CC2D2A: variants seen among roughly 807,000 people sequenced by gnomAD.
CC2D2A encodes the protein coiled-coil and C2 domain-containing protein 2A.
Under a neutral mutation model 212.9 loss-of-function variants are expected in CC2D2A, and 155 were observed. That is an observed-to-expected ratio of 0.73 (90% confidence interval 0.64 to 0.83). The LOEUF (loss-of-function observed/expected upper bound fraction) is 0.83. CC2D2A is among the 40% of genes least tolerant of loss of function. The pLI is 0.00. For missense variants in CC2D2A, 1,856 were observed against 1,956.2 expected (o/e 0.95, Z 0.97); for synonymous variants, 667 against 686.5 (o/e 0.97, Z 0.44).
chr4:15,522,046 A>G (rs185732756), intron 11 of CC2D2A, among the ~76,000 whole-genome samples: 1 of 152,230 alleles, frequency 6.6e-6, no homozygotes, highest in East Asian at 1.9e-4. Flanking sequence ...TACAAAAAAT[A>G]AAAAGGTAAC....
chr4:15,555,206 T>C lies in CC2D2A; in HGVS notation c.2621T>C (p.Ile874Thr). The change falls in exon 20 of 37, where the codon ATC becomes ACC. Residue 874 changes from isoleucine (I) to threonine (T), a missense_variant. Around this residue, in one of 5 missense-constraint regions of CC2D2A, gnomAD observed 1,512 missense variants for 1,579.3 expected, o/e 0.96. Coordinates refer to ENST00000424120, the MANE Select transcript of CC2D2A (RefSeq NM_001378615.1). ...AACAATGCCCCTTTGATGCAGCTTA[T>C]CTCGGTATGTAGCAGGAGGCACACA... ...DPNNAPLMQL[I>T]SVATSGESYV... The C allele has an allele frequency of 6.2e-7, 1 of 1,613,178 alleles. No homozygotes were observed. The highest frequency in any genetic ancestry group is 8.5e-7 in the Non-Finnish European group (1 of 1,179,506).
intron 4 of CC2D2A, among the ~76,000 whole-genome samples, chr4:15,487,963 C>A (rs1341812254): frequency 2.0e-5 from 3 of 151,754 alleles, no homozygotes; most frequent in Non-Finnish European, 4.4e-5. Flanking sequence ...CGTCTCCCCC[C>A]TGCTTTTTTA....
intron 7 of CC2D2A, 65 bp downstream of exon 7, chr4:15,510,305 A>G (rs1167411394): frequency 1.4e-6 from 2 of 1,396,244 alleles, no homozygotes; most frequent in African/African-American, 1.4e-5. Context: ...CCAATGACAC[A>G]TGACTACAGG....
intron 11 of CC2D2A, among the ~76,000 whole-genome samples, chr4:15,522,586 A>G (rs981354334): frequency 6.6e-6 from 1 of 151,952 alleles, no homozygotes; most frequent in Non-Finnish European, 1.5e-5. Flanking sequence ...TTGTCTCAAT[A>G]TTAGGATGTT....
intron 4 of CC2D2A, among the ~76,000 whole-genome samples, chr4:15,490,941 AC>A (rs1351331502): frequency 6.6e-6 from 1 of 151,046 alleles, no homozygotes; most frequent in Non-Finnish European, 1.5e-5. Context: ...ATCGATCACG[AC>A]CCCCTCACAC....
intron 29 of CC2D2A, among the ~76,000 whole-genome samples, chr4:15,579,320 C>T (rs1720549358): frequency 6.6e-6 from 1 of 151,594 alleles, no homozygotes; most frequent in East Asian, 1.9e-4. Flanking sequence ...CAGAATAAGA[C>T]CCTGTCTCAA....
chr4:15,495,866 C>A (rs1715586584), intron 4 of CC2D2A, among the ~76,000 whole-genome samples: 1 of 152,276 alleles, frequency 6.6e-6, no homozygotes, highest in African/African-American at 2.4e-5. Context: ...TATAACAGTT[C>A]CCTTTTCTCC....
At position 15,502,512 on chromosome 4, in the gene CC2D2A, GC is replaced by G; in HGVS notation, c.332del (p.Ala111GlyfsTer41). 6.2e-7 allele frequency: 1 copy of G among 1,600,030 alleles called. No homozygotes were observed. The highest frequency in any genetic ancestry group is 1.8e-5 in the Admixed American group (1 of 56,540). On this transcript the variant is annotated frameshift_variant, in exon 5 of 37. Transcript: ENST00000424120. LOFTEE classifies it high-confidence loss of function. Reference sequence around the variant, plus strand: ...ACGCATGAGGGAGAAATTGCAAGCAGCGAGGGTGAGAGAAACCACATGAATA... The same window carrying G: ...ACGCATGAGGGAGAAATTGCAAGCAGGAGGGTGAGAGAAACCACATGAATA... Reference protein sequence around the residue: ...RGRMREKLQAARSKAESALLQ... With the variant: ...RGRMREKLQAXRSKAESALLQ...
intron 24 of CC2D2A, among the ~76,000 whole-genome samples, chr4:15,566,843 AGT>A (rs1313093592): frequency 6.6e-6 from 1 of 151,962 alleles, no homozygotes; most frequent in Non-Finnish European, 1.5e-5. Flanking sequence ...GGCATGGTGG[AGT>A]GTGTTTGTAG....
intron 26 of CC2D2A, among the ~76,000 whole-genome samples, chr4:15,568,486 G>A (rs1346560770): frequency 6.6e-6 from 1 of 152,218 alleles, no homozygotes; most frequent in Non-Finnish European, 1.5e-5. Flanking sequence ...CTACTTGGAG[G>A]CTGAGGCAGG....
intron 1 of CC2D2A, among the ~76,000 whole-genome samples, chr4:15,473,964 A>G (rs1577303183): frequency 6.6e-6 from 1 of 152,194 alleles, no homozygotes; most frequent in Non-Finnish European, 1.5e-5. Context: ...TGTAAAGCCA[A>G]GTGAAGGTGT....
intron 35 of CC2D2A, 31 bp from the exon 36 acceptor site, chr4:15,599,498 C>T (rs745452080): frequency 1.3e-5 from 19 of 1,437,214 alleles, no homozygotes; most frequent in Non-Finnish European, 1.7e-5. Flanking sequence ...AAGTGAGTCA[C>T]CAAAAAATGG....
intron 18 of CC2D2A, among the ~76,000 whole-genome samples, chr4:15,551,240 ACTTTT>A (rs1386434761): frequency 2.0e-5 from 3 of 152,212 alleles, no homozygotes; most frequent in African/African-American, 7.2e-5. Flanking sequence ...TTGGTGCCTT[ACTTTT>A]ATTTCTAGGA....
At chr4:15,485,763 G>A (rs1714964680) in intron 4 of CC2D2A, among the ~76,000 whole-genome samples, 1 of 152,122 alleles carries the variant, frequency 6.6e-6, no homozygotes, top group African/African-American at 2.4e-5. Context: ...CCATTTGTAT[G>A]TCTTCTTTTG....
Position 15,563,429 on chromosome 4 carries a change from A to T in CC2D2A, c.3089A>T (p.Lys1030Met). The T allele has an allele frequency of 6.2e-7, 1 of 1,610,892 alleles. No homozygotes were observed. Among genetic ancestry groups the T allele is most frequent in the Admixed American group, 1.7e-5 (1 of 59,528 alleles). ...PLRPRRKGRK[K>M]VTAQNLSDGD... ...CGGCCAAGGAGAAAAGGTCGGAAGA[A>T]GGTGACAGCCCAAAACCTGTCTGAT... Residue 1030 changes from lysine (K) to methionine (M), a missense_variant, in exon 24 of 37, where the codon AAG becomes ATG. Physicochemically the swap from Lys to Met is moderately conservative, Grantham distance 95. Around this residue, in one of 5 missense-constraint regions of CC2D2A, gnomAD observed 1,512 missense variants for 1,579.3 expected, o/e 0.96. Coordinates refer to ENST00000424120, the MANE Select transcript of CC2D2A (RefSeq NM_001378615.1).
chr4:15,567,122 A>C (rs2109069775), intron 24 of CC2D2A, among the ~76,000 whole-genome samples: 1 of 151,998 alleles, frequency 6.6e-6, no homozygotes, highest in South Asian at 2.1e-4. Flanking sequence ...ATCTTTACTA[A>C]AAATACAAAA....
intron 4 of CC2D2A, among the ~76,000 whole-genome samples, chr4:15,490,783 GC>G (rs1715256765): frequency 6.6e-6 from 1 of 152,040 alleles, no homozygotes; most frequent in Non-Finnish European, 1.5e-5. Context: ...ACAGCCTGGC[GC>G]CACACCCTGG....
At chr4:15,478,418 C>T (rs1026901954) in intron 2 of CC2D2A, among the ~76,000 whole-genome samples, 4 of 152,158 alleles carry the variant, frequency 2.6e-5, no homozygotes, top group Admixed American at 2.0e-4. Flanking sequence ...AATTCTGTGT[C>T]CCAAGAGCAT....
intron 24 of CC2D2A, among the ~76,000 whole-genome samples, chr4:15,565,791 T>A (rs1460620694): frequency 6.6e-6 from 1 of 152,054 alleles, no homozygotes; most frequent in Non-Finnish European, 1.5e-5. Flanking sequence ...TTTATTATTT[T>A]TTTAGAGATG....
Sources: gnomAD v4.1 joint callset for allele counts (sites outside exome capture counted in the v4.1 genomes callset) on GRCh38, gnomAD v4.1.1 for gene constraint, gnomAD v4.1.1 regional missense constraint, MANE v1.5 for transcripts, NCBI Gene and HGNC (gene_info 2026-07-23, HGNC 2026-07-21) for gene names.